CALN1: variants seen among roughly 807,000 people sequenced by gnomAD.
The protein encoded by CALN1 is calneuron 1.
A neutral mutation model predicts 30.6 loss-of-function variants in CALN1; 17 were observed. The observed-to-expected ratio is 0.56, with a 90% CI of 0.38 to 0.83. The LOEUF is 0.83. Ranked by LOEUF, CALN1 falls within the 40% of genes least tolerant of loss-of-function variation. The pLI is 0.00. For synonymous variants in CALN1, 156 were observed against 131.4 expected, an observed-to-expected ratio of 1.19 and a Z score of -1.28; for missense variants, 291 against 354.9, an observed-to-expected ratio of 0.82 and a Z score of 1.45.
At chr7:71,868,920 T>C (rs1791757851) in intron 5 of CALN1, among the ~76,000 whole-genome samples, 1 of 152,208 alleles carries the variant, frequency 6.6e-6, no homozygotes, top group Non-Finnish European at 1.5e-5. Context: ...TGTTGAAATA[T>C]ACGCTGACTC....
intron 4 of CALN1, among the ~76,000 whole-genome samples, chr7:72,069,126 G>A (rs1307337019): frequency 6.6e-6 from 1 of 152,208 alleles, no homozygotes; most frequent in Non-Finnish European, 1.5e-5. Flanking sequence ...GAGGGCAAGT[G>A]ACACTGCAAA....
chr7:71,898,010 AGGGG>A (rs1295708591), intron 5 of CALN1, among the ~76,000 whole-genome samples: 62 of 61,204 alleles, frequency 1.0e-3, no homozygotes, highest in African/African-American at 3.0e-3. Flanking sequence ...AGAGGGAGGG[AGGGG>A]GGGGGAGAGA....
intron 2 of CALN1, among the ~76,000 whole-genome samples, chr7:72,387,600 T>C (rs1805313244): frequency 6.6e-6 from 1 of 152,112 alleles, no homozygotes; most frequent in Non-Finnish European, 1.5e-5. Context: ...CTTCCTCCCC[T>C]ACACCCATCA....
chr7:72,099,167 G>A (rs554283675), intron 4 of CALN1, among the ~76,000 whole-genome samples: 10 of 151,974 alleles, frequency 6.6e-5, no homozygotes, highest in African/African-American at 1.5e-4. Flanking sequence ...CAGATGGGAC[G>A]GATGGAGGCA....
intron 5 of CALN1, among the ~76,000 whole-genome samples, chr7:71,848,428 G>A (rs1459100554): frequency 6.6e-6 from 1 of 152,108 alleles, no homozygotes; most frequent in Non-Finnish European, 1.5e-5. Flanking sequence ...CTGTGTCCTG[G>A]TATTTGTAAA....
chr7:72,078,743 C>T (rs1804919071), intron 4 of CALN1, among the ~76,000 whole-genome samples: 1 of 152,182 alleles, frequency 6.6e-6, no homozygotes, highest in South Asian at 2.1e-4. Flanking sequence ...GAAGACCAGC[C>T]TGGCCAACAT....
chr7:72,029,784 G>A lies in CALN1; in HGVS notation c.389-6015C>T, dbSNP rs138042262. On this transcript the variant is annotated intron_variant, in intron 4 of 6. Coordinates refer to ENST00000395275, the MANE Select transcript of CALN1 (RefSeq NM_031468.4). The stretch of plus-strand genomic sequence containing the variant: ...GCATGTACCACTCCCATTACCTTAC[G>A]CCTCTCTGCCTTTCCCTGAGTTGTA... Among the ~76,000 whole-genome samples the A allele has an allele frequency of 7.2e-3, 1,099 of 152,298 alleles. 10 individuals are homozygous for A. Among genetic ancestry groups the A allele is most frequent in the Non-Finnish European group, 0.013 (889 of 68,026 alleles).
chr7:71,836,358 G>A (rs1789600554), intron 5 of CALN1, among the ~76,000 whole-genome samples: 1 of 152,162 alleles, frequency 6.6e-6, no homozygotes, highest in Admixed American at 6.5e-5. Flanking sequence ...GGCTGCACAG[G>A]TGGACCTGGA....
intron 3 of CALN1, among the ~76,000 whole-genome samples, chr7:72,156,593 C>T (rs1787699665): frequency 6.6e-6 from 1 of 152,178 alleles, no homozygotes. Context: ...CCATGAGTCC[C>T]CATGTCACCA....
chr7:72,231,003 C>T (rs1294384808), intron 3 of CALN1, among the ~76,000 whole-genome samples: 1 of 152,292 alleles, frequency 6.6e-6, no homozygotes, highest in South Asian at 2.1e-4. Flanking sequence ...CCAAACTGCC[C>T]CACCTGGGGG....
chr7:72,384,118 G>A (rs1388101525), intron 2 of CALN1, among the ~76,000 whole-genome samples: 2 of 152,186 alleles, frequency 1.3e-5, no homozygotes. Flanking sequence ...TTGGAGGAAG[G>A]AGGCGGCAAA....
intron 6 of CALN1, among the ~76,000 whole-genome samples, chr7:71,791,323 T>C (rs1007846351): frequency 6.6e-6 from 1 of 152,164 alleles, no homozygotes; most frequent in African/African-American, 2.4e-5. Context: ...TACCCAATAA[T>C]GGGATTGCTG....
chr7:72,023,107 A>G (rs1800802990), intron 5 of CALN1, among the ~76,000 whole-genome samples: 1 of 152,144 alleles, frequency 6.6e-6, no homozygotes, highest in Non-Finnish European at 1.5e-5. Context: ...ACATTTTAAG[A>G]GTAGAGAACT....
At chr7:71,806,273 C>CACACACACGCACACACACAA (rs1787613129) in intron 6 of CALN1, among the ~76,000 whole-genome samples, 1 of 149,798 alleles carries the variant, frequency 6.7e-6, no homozygotes, top group Non-Finnish European at 1.5e-5. Flanking sequence ...CACACACAAA[C>CACACACACGCACACACACAA]ACACACACAC....
chr7:72,173,403 T>C (rs1186026561), intron 3 of CALN1, among the ~76,000 whole-genome samples: 1 of 152,122 alleles, frequency 6.6e-6, no homozygotes, highest in Non-Finnish European at 1.5e-5. Context: ...ATTACAGAGT[T>C]AATGCAATTA....
intron 5 of CALN1, among the ~76,000 whole-genome samples, chr7:71,982,593 G>A (rs1001179973): frequency 5.9e-4 from 90 of 152,098 alleles, no homozygotes; most frequent in African/African-American, 2.0e-3. Flanking sequence ...AAACTCTGTC[G>A]CAAAACAAAA....
intron 3 of CALN1, among the ~76,000 whole-genome samples, chr7:72,195,414 G>C (rs1327694081): frequency 1.3e-5 from 2 of 152,078 alleles, no homozygotes; most frequent in Non-Finnish European, 2.9e-5. Flanking sequence ...ATCTTGCTCT[G>C]CCACCCCGGC....
At position 72,338,521 on chromosome 7, in the gene CALN1, GTGTGTGTC is replaced by G. The variant is rs1443633892; in HGVS notation, c.120-59719_120-59712del. On this transcript the variant is annotated intron_variant, in intron 2 of 6. Coordinates refer to ENST00000395275, the MANE Select transcript of CALN1 (RefSeq NM_031468.4). ...TGTGTGTGTGTGTGTGTGTGTGTGTGTGTGTGTCTCACCTGGGTGTGGTTTCAGAGTCC... is the reference window on the plus strand; with the variant it reads ...TGTGTGTGTGTGTGTGTGTGTGTGTGTCACCTGGGTGTGGTTTCAGAGTCC... 2.3e-3 allele frequency among the ~76,000 whole-genome samples: 145 copies of G among 64,224 alleles called. 4 individuals are homozygous for G. Among genetic ancestry groups the G allele is most frequent in the Middle Eastern group, 6.7e-3 (1 of 150 alleles). 42.1% of individuals were successfully genotyped at this position (64,224 alleles called of 152,430 possible). A position where few individuals can be genotyped will look rare whatever the true frequency, so the allele number is the denominator to read the frequency against.
chr7:72,234,359 ATTAG>A (rs1369998839), intron 3 of CALN1, among the ~76,000 whole-genome samples: 1 of 152,172 alleles, frequency 6.6e-6, no homozygotes, highest in East Asian at 1.9e-4. Context: ...ATATGAGGCC[ATTAG>A]TTAGGGTGGC....
Sources: gnomAD v4.1 joint callset for allele counts (sites outside exome capture counted in the v4.1 genomes callset) on GRCh38, gnomAD v4.1.1 for gene constraint, MANE v1.5 for transcripts, NCBI Gene and HGNC (gene_info 2026-07-23, HGNC 2026-07-21) for gene names.